Variants in UVRAG observed in about 807,000 individuals in gnomAD.
UVRAG encodes the protein UV radiation resistance associated.
A neutral mutation model predicts 78.0 loss-of-function variants in UVRAG; 19 were observed. That is an observed-to-expected ratio of 0.24 (90% CI 0.17 to 0.36). The LOEUF is 0.36. UVRAG is among the 10% of genes least tolerant of loss of function. The pLI is 1.00. For synonymous variants in UVRAG, 323 were observed against 324.6 expected (o/e 1.00, Z 0.05); for missense variants, 740 against 853.8 (o/e 0.87, Z 1.66).
rs1473468652 is a variant in UVRAG at position 75,888,840 on chromosome 11, A to G, written c.444A>G (p.Arg148=). The G allele has an allele frequency of 6.2e-7, 1 of 1,613,586 alleles. No homozygotes were observed. Among genetic ancestry groups the G allele is most frequent in the Non-Finnish European group, 8.5e-7 (1 of 1,179,796 alleles). The change falls in exon 5 of 15, where the codon CGA becomes CGG. Residue 148 remains arginine, a synonymous_variant. Transcript: ENST00000356136. The part of the protein sequence containing the change: ...LKYLGQQIHA[R]NQNEIIFGLN... ...TCCTCCTCTCTTAGATTCATGCCCG[A>G]AACCAAAATGAAATAATTTTTGGGC...
intron 12 of UVRAG, among the ~76,000 whole-genome samples, chr11:76,055,616 C>T (rs912627341): frequency 3.9e-5 from 6 of 152,132 alleles, no homozygotes; most frequent in African/African-American, 1.4e-4. Flanking sequence ...GTAGACTTCC[C>T]CTCAATGCTT....
At chr11:75,815,600 A>T in intron 1 of UVRAG, 76 bp downstream of exon 1, 1 of 970,250 alleles carries the variant, frequency 1.0e-6, no homozygotes, top group Non-Finnish European at 1.3e-6. Flanking sequence ...CTCCGGGCTG[A>T]CCCCGCGAGC....
intron 7 of UVRAG, among the ~76,000 whole-genome samples, chr11:75,962,836 A>G (rs1185360818): frequency 6.6e-6 from 1 of 152,160 alleles, no homozygotes; most frequent in African/African-American, 2.4e-5. Context: ...TAATTGTTGC[A>G]TTAAATGACA....
At chr11:75,967,311 G>A (rs1175570602) in intron 7 of UVRAG, among the ~76,000 whole-genome samples, 3 of 151,972 alleles carry the variant, frequency 2.0e-5, no homozygotes, top group Admixed American at 6.6e-5. Flanking sequence ...GGCTAAATCC[G>A]GGTTCTAAGC....
intron 14 of UVRAG, 58 bp downstream of exon 14, chr11:76,116,073 C>G: frequency 2.0e-6 from 3 of 1,516,756 alleles, no homozygotes; most frequent in Non-Finnish European, 2.7e-6. Flanking sequence ...TCCTGAAAAT[C>G]TTTTCTGACT....
chr11:76,054,623 C>T (rs952942293), intron 12 of UVRAG, among the ~76,000 whole-genome samples: 2 of 152,204 alleles, frequency 1.3e-5, no homozygotes, highest in African/African-American at 4.8e-5. Context: ...ATTCCTGTCT[C>T]AAGGCCTTTG....
intron 14 of UVRAG, among the ~76,000 whole-genome samples, chr11:76,120,990 G>A (rs1169361225): frequency 2.0e-5 from 3 of 152,172 alleles, no homozygotes; most frequent in Non-Finnish European, 4.4e-5. Flanking sequence ...TCCCTGTGGA[G>A]GCAGATTGCT....
intron 7 of UVRAG, among the ~76,000 whole-genome samples, chr11:75,976,919 T>C (rs1949256810): frequency 6.6e-6 from 1 of 152,228 alleles, no homozygotes; most frequent in Admixed American, 6.5e-5. Context: ...AGCTTTTGAA[T>C]GTGTTTGCTC....
intron 13 of UVRAG, among the ~76,000 whole-genome samples, chr11:76,080,395 G>A (rs1351897773): frequency 6.6e-6 from 1 of 152,092 alleles, no homozygotes; most frequent in African/African-American, 2.4e-5. Flanking sequence ...AAGACTGCCT[G>A]GTTGTATACC....
intron 13 of UVRAG, among the ~76,000 whole-genome samples, chr11:76,086,983 T>G (rs1951599416): frequency 6.6e-6 from 1 of 152,250 alleles, no homozygotes; most frequent in Admixed American, 6.5e-5. Context: ...ATTGATGTAA[T>G]TTAACTTATT....
chr11:76,076,878 G>C (rs1565150635), intron 13 of UVRAG, among the ~76,000 whole-genome samples: 4 of 150,880 alleles, frequency 2.7e-5, no homozygotes, highest in South Asian at 4.2e-4. Flanking sequence ...TTAGCAGGGT[G>C]TGGTGGTGTC....
intron 13 of UVRAG, among the ~76,000 whole-genome samples, chr11:76,101,640 A>G (rs1951881526): frequency 6.6e-6 from 1 of 152,134 alleles, no homozygotes; most frequent in African/African-American, 2.4e-5. Context: ...TGTCTTCGTC[A>G]TGAAACCTTT....
intron 6 of UVRAG, chr11:75,915,332 GCTTTGAC>G (rs1947827682): frequency 6.6e-6 from 1 of 152,178 alleles, no homozygotes; most frequent in Non-Finnish European, 1.5e-5. Flanking sequence ...TTATTCAGGT[GCTTTGAC>G]CCATAGTTAA....
chr11:75,859,577 A>G lies in UVRAG; in HGVS notation c.236-2169A>G, dbSNP rs562063506. Among the ~76,000 whole-genome samples the G allele has an allele frequency of 3.9e-5, 6 of 152,278 alleles. No individual in the cohort carries two copies. In the East Asian group the frequency reaches 1.2e-3, roughly 29 times the overall value. ...TTTATTTCAGCCTCGTAACAACCCT[A>G]TTATATTCCAGGTGTCATTCTCCTT... On this transcript the variant is annotated intron_variant, in intron 2 of 14. Transcript: ENST00000356136.
intron 3 of UVRAG, among the ~76,000 whole-genome samples, chr11:75,877,465 C>T (rs1264488870): frequency 2.1e-5 from 3 of 144,828 alleles, no homozygotes; most frequent in Non-Finnish European, 4.6e-5. Context: ...CGGGGGGTGA[C>T]CCCCCCACCT....
At chr11:76,033,099 A>C (rs1950466175) in intron 12 of UVRAG, among the ~76,000 whole-genome samples, 1 of 152,224 alleles carries the variant, frequency 6.6e-6, no homozygotes, top group Admixed American at 6.5e-5. Context: ...TCTAACAGAG[A>C]TAAGCCATGT....
chr11:75,833,834 T>C (rs902158365), intron 1 of UVRAG, among the ~76,000 whole-genome samples: 4 of 152,230 alleles, frequency 2.6e-5, no homozygotes, highest in African/African-American at 7.2e-5. Context: ...ATCGCTCATG[T>C]TATTGTTTGT....
chr11:76,128,057 A>G (rs1019486524), intron 14 of UVRAG, among the ~76,000 whole-genome samples: 2 of 152,188 alleles, frequency 1.3e-5, no homozygotes, highest in Non-Finnish European at 2.9e-5. Flanking sequence ...GCACACTAAA[A>G]AAGCAGTGCT....
intron 13 of UVRAG, among the ~76,000 whole-genome samples, chr11:76,076,021 T>C (rs1356380152): frequency 2.6e-5 from 4 of 152,238 alleles, no homozygotes; most frequent in African/African-American, 9.6e-5. Flanking sequence ...GATGTTTCCA[T>C]TTCTTGGCTG....
Sources: gnomAD v4.1 joint callset for allele counts (sites outside exome capture counted in the v4.1 genomes callset) on GRCh38, gnomAD v4.1.1 for gene constraint, MANE v1.5 for transcripts, NCBI Gene and HGNC (gene_info 2026-07-23, HGNC 2026-07-21) for gene names.